Variants in PARD3B observed in about 807,000 individuals in gnomAD.
PARD3B encodes the protein par-3 family cell polarity regulator beta, also known as partitioning defective 3 homolog B.
PARD3B carries 103 observed loss-of-function variants against 130.2 expected under a neutral mutation model. The observed-to-expected ratio is 0.79, with a 90% CI of 0.67 to 0.93. The LOEUF (loss-of-function observed/expected upper bound fraction) is 0.93, where lower values mean the gene tolerates loss of function less well. PARD3B is among the 40% of genes least tolerant of loss of function. PARD3B has a pLI of 0.00. For synonymous variants in PARD3B, 583 were observed against 553.2 expected, an observed-to-expected ratio of 1.05 and a Z score of -0.76; for missense variants, 1,609 against 1,499.2, an observed-to-expected ratio of 1.07 and a Z score of -1.21.
chr2:204,646,208 G>T (rs2035266089), intron 1 of PARD3B, among the ~76,000 whole-genome samples: 1 of 152,078 alleles, frequency 6.6e-6, no homozygotes, highest in African/African-American at 2.4e-5. Flanking sequence ...TGAAGAAATG[G>T]AATGTTGCTT....
intron 22 of PARD3B, among the ~76,000 whole-genome samples, chr2:205,576,809 T>A (rs2053775676): frequency 6.6e-6 from 1 of 152,194 alleles, no homozygotes; most frequent in Non-Finnish European, 1.5e-5. Flanking sequence ...AACTTTAGCA[T>A]CAGTTTGTAA....
chr2:205,163,883 TATA>T (rs977910500), intron 11 of PARD3B, among the ~76,000 whole-genome samples: 7 of 152,226 alleles, frequency 4.6e-5, no homozygotes, highest in African/African-American at 1.4e-4. Flanking sequence ...TCTTAAAATT[TATA>T]ATGTTTTCTA....
At chr2:205,520,202 G>T (rs1034709870) in intron 21 of PARD3B, among the ~76,000 whole-genome samples, 9 of 152,188 alleles carry the variant, frequency 5.9e-5, no homozygotes, top group African/African-American at 2.2e-4. Flanking sequence ...ATGCAGGTCA[G>T]TAATCCCTCA....
Position 205,187,192 on chromosome 2 carries a change from T to G in PARD3B, c.2024+1329T>G, listed in dbSNP as rs2036151102. 6.6e-6 allele frequency among the ~76,000 whole-genome samples: 1 copy of G among 152,248 alleles called. No homozygotes were observed. Among genetic ancestry groups the G allele is most frequent in the South Asian group, 2.1e-4 (1 of 4,824 alleles). Reference sequence around the variant, plus strand: ...AGTGTCATTTGAGCTGAACCCTAACTCATGAATAGCAGGTGGACATGAGAT... The same window carrying G: ...AGTGTCATTTGAGCTGAACCCTAACGCATGAATAGCAGGTGGACATGAGAT... On this transcript the variant is annotated intron_variant, in intron 14 of 22. Coordinates refer to ENST00000406610, the MANE Select transcript of PARD3B (RefSeq NM_001302769.2). This position sits in a 1 kb window ranked among gnomAD's most constrained non-coding sequence, Gnocchi z 4.9.
At chr2:205,330,069 G>A (rs569243935) in intron 18 of PARD3B, among the ~76,000 whole-genome samples, 95 of 150,290 alleles carry the variant, frequency 6.3e-4, no homozygotes, top group African/African-American at 2.2e-3. Flanking sequence ...GGCTGGGCAC[G>A]GTGGCTCACG....
chr2:204,826,416 G>C (rs2043575145), intron 2 of PARD3B, among the ~76,000 whole-genome samples: 1 of 152,128 alleles, frequency 6.6e-6, no homozygotes, highest in African/African-American at 2.4e-5. Flanking sequence ...GGATAAGTTG[G>C]ATTTTAATTC....
rs957409347 is a variant in PARD3B, at chr2:205,460,244, A to G, written c.3044+19572A>G. 6.6e-6 allele frequency among the ~76,000 whole-genome samples: 1 copy of G among 152,216 alleles called. No homozygotes were observed. The highest frequency in any genetic ancestry group is 6.5e-5 in the Admixed American group (1 of 15,282). Reference sequence around the variant, plus strand: ...TCTAAATGCAGCTTTGAGGATATGCAGTTCGTAAATTTCCTACTGGGTCAT... The same window carrying G: ...TCTAAATGCAGCTTTGAGGATATGCGGTTCGTAAATTTCCTACTGGGTCAT... On this transcript the variant is annotated intron_variant, in intron 20 of 22. Transcript: ENST00000406610. The surrounding 1 kb of genome is among the most constrained non-coding windows in gnomAD (Gnocchi z 4.9).
intron 15 of PARD3B, among the ~76,000 whole-genome samples, chr2:205,219,909 G>A (rs1181794088): frequency 2.0e-5 from 3 of 152,146 alleles, no homozygotes; most frequent in Non-Finnish European, 4.4e-5. Context: ...CACATGATTT[G>A]GATATAGCAG....
chr2:205,375,362 T>C (rs1304532536), intron 18 of PARD3B, among the ~76,000 whole-genome samples: 2 of 152,164 alleles, frequency 1.3e-5, no homozygotes, highest in Non-Finnish European at 2.9e-5. Flanking sequence ...CTTAAGAGAA[T>C]AATAGGAACT....
At chr2:205,523,174 A>G (rs2051157028) in intron 21 of PARD3B, among the ~76,000 whole-genome samples, 1 of 149,314 alleles carries the variant, frequency 6.7e-6, no homozygotes, top group Non-Finnish European at 1.5e-5. Flanking sequence ...CCTGTTTTAT[A>G]TACCCTTTTC....
intron 1 of PARD3B, among the ~76,000 whole-genome samples, chr2:204,584,383 A>G (rs190155668): frequency 6.6e-6 from 1 of 152,306 alleles, no homozygotes; most frequent in East Asian, 1.9e-4. Flanking sequence ...TAAAGAGTAT[A>G]ATTGAAGATA....
chr2:205,154,489 G>A (rs1029488384), intron 10 of PARD3B, among the ~76,000 whole-genome samples: 11 of 152,104 alleles, frequency 7.2e-5, no homozygotes, highest in Admixed American at 6.6e-5. Context: ...ACAGTGTGGC[G>A]ATTCCTCAAG....
chr2:204,554,353 G>C (rs115201199), intron 1 of PARD3B, among the ~76,000 whole-genome samples: 2 of 151,824 alleles, frequency 1.3e-5, no homozygotes, highest in South Asian at 4.2e-4. Flanking sequence ...TACACTTATA[G>C]CATGCCCCCA....
chr2:204,668,092 G>T (rs1161284144), intron 1 of PARD3B, among the ~76,000 whole-genome samples: 3 of 152,098 alleles, frequency 2.0e-5, no homozygotes, highest in South Asian at 4.1e-4. Context: ...CTTATTTACT[G>T]TGGAGGCATT....
rs2037249042 is a variant in PARD3B at position 204,689,328 on chromosome 2, C to G, written c.222+3046C>G. Among the ~76,000 whole-genome samples, 1 of 152,070 alleles carries G rather than the reference C, an allele frequency of 6.6e-6. No homozygotes were observed. The highest frequency in any genetic ancestry group is 1.5e-5 in the Non-Finnish European group (1 of 68,024). On this transcript the variant is annotated intron_variant, in intron 2 of 22. Coordinates refer to ENST00000406610, the MANE Select transcript of PARD3B (RefSeq NM_001302769.2). This position sits in a 1 kb window ranked among gnomAD's most constrained non-coding sequence, Gnocchi z 5.2. ...TTCCTAGTACAGCTTCCACGGGGAC[C>G]AAGTCTCCACTGTGTTACACTACTT...
chr2:205,004,192 C>T (rs1314669669), intron 3 of PARD3B, among the ~76,000 whole-genome samples: 1 of 152,150 alleles, frequency 6.6e-6, no homozygotes, highest in African/African-American at 2.4e-5. Flanking sequence ...GTCTTTAGCC[C>T]TGAAGGCTCT....
At position 204,845,139 on chromosome 2, in the gene PARD3B, A is replaced by C. The variant is rs983701331; in HGVS notation, c.223-120013A>C. 9.8e-5 allele frequency among the ~76,000 whole-genome samples: 15 copies of C among 152,328 alleles called. No homozygotes were observed. The Middle Eastern group carries it at 0.014, about 138-fold the overall frequency. On this transcript the variant is annotated intron_variant, in intron 2 of 22. Transcript: ENST00000406610. ...GGAAGTCAATTTGAGAGAATGTAATAGAGGACAGTCTGACAGGTGTTAATG... is the reference window on the plus strand; with the variant it reads ...GGAAGTCAATTTGAGAGAATGTAATCGAGGACAGTCTGACAGGTGTTAATG...
At chr2:204,845,118 G>A (rs1285595006) in intron 2 of PARD3B, among the ~76,000 whole-genome samples, 2 of 152,154 alleles carry the variant, frequency 1.3e-5, no homozygotes, top group Non-Finnish European at 2.9e-5. Context: ...TAAACTGGAA[G>A]TCAATTTGAG....
At chr2:205,457,744 CTT>C (rs1203430283) in intron 20 of PARD3B, among the ~76,000 whole-genome samples, 1 of 151,868 alleles carries the variant, frequency 6.6e-6, no homozygotes, top group African/African-American at 2.4e-5. Context: ...TGTTTTCTAA[CTT>C]TCAATGTTTT....
Sources: gnomAD v4.1 joint callset for allele counts (sites outside exome capture counted in the v4.1 genomes callset) on GRCh38, gnomAD v4.1.1 for gene constraint, Gnocchi (gnomAD v3.1) non-coding constraint, MANE v1.5 for transcripts, NCBI Gene and HGNC (gene_info 2026-07-23, HGNC 2026-07-21) for gene names.